The following FAM168A variants were observed in gnomAD, a reference collection of about 807,000 sequenced individuals.
FAM168A encodes protein FAM168A.
In FAM168A, 3 loss-of-function variants were observed where a neutral mutation model predicts 28.5. The ratio of observed to expected loss-of-function variants is 0.11; its 90% CI spans 0.05 to 0.27. The LOEUF is 0.27. FAM168A is among the 10% of genes least tolerant of loss of function. The probability of loss-of-function intolerance (pLI) is 1.00; values close to 1 mark genes in which losing one functional copy is unlikely to be tolerated. For missense variants in FAM168A, 222 were observed against 311.5 expected (o/e 0.71, Z 2.16); for synonymous variants, 122 against 124.2 (o/e 0.98, Z 0.12).
intron 1 of FAM168A, among the ~76,000 whole-genome samples, chr11:73,559,150 G>A (rs977976283): frequency 6.6e-6 from 1 of 152,158 alleles, no homozygotes; most frequent in African/African-American, 2.4e-5. Flanking sequence ...GCTTATGCCC[G>A]TAATCCTATC....
chr11:73,538,832 G>A, intron 1 of FAM168A, among the ~76,000 whole-genome samples: 1 of 152,162 alleles, frequency 6.6e-6, no homozygotes, highest in Admixed American at 6.6e-5. Context: ...TGTAGGAGGG[G>A]CTGAGGCAAA....
chr11:73,469,921 GTTT>G (rs1257122895), intron 1 of FAM168A, among the ~76,000 whole-genome samples: 1 of 151,612 alleles, frequency 6.6e-6, no homozygotes, highest in Non-Finnish European at 1.5e-5. Flanking sequence ...TTTTGTTTTT[GTTT>G]TTTTTGAGAC....
chr11:73,438,118 GTCA>G (rs923933671), intron 2 of FAM168A, among the ~76,000 whole-genome samples: 10 of 151,958 alleles, frequency 6.6e-5, no homozygotes, highest in South Asian at 2.1e-4. Flanking sequence ...CATCATCATC[GTCA>G]TCATCATCAT....
intron 3 of FAM168A, among the ~76,000 whole-genome samples, chr11:73,429,587 T>C (rs1024083800): frequency 1.3e-5 from 2 of 152,186 alleles, no homozygotes; most frequent in African/African-American, 4.8e-5. Context: ...CTGCCCATGC[T>C]CTACTCTGCC....
chr11:73,411,698 G>C (rs1866614254), intron 4 of FAM168A, among the ~76,000 whole-genome samples, 162 bp from the exon 5 acceptor site: 1 of 152,266 alleles, frequency 6.6e-6, no homozygotes, highest in East Asian at 1.9e-4. Flanking sequence ...AGAAAGCCCT[G>C]GCCCCAGAGG....
rs113761570 is a variant in FAM168A, at chr11:73,594,735, G to GC, written c.-19+3187dup. On this transcript the variant is annotated intron_variant, in intron 1 of 7. Transcript: ENST00000356467. ...GTAGAGATGGGGTTTTGCCATGTTG[G>GC]CCAGGCTGATCTCAAACTCCTGACC... 2.5e-3 allele frequency among the ~76,000 whole-genome samples: 381 copies of GC among 152,128 alleles called. 3 individuals are homozygous for GC. Among genetic ancestry groups the GC allele is most frequent in the African/African-American group, 8.7e-3 (362 of 41,494 alleles).
At chr11:73,500,407 T>C (rs551593915) in intron 1 of FAM168A, among the ~76,000 whole-genome samples, 6 of 152,034 alleles carry the variant, frequency 3.9e-5, no homozygotes, top group Non-Finnish European at 7.4e-5. Context: ...TACAGGTGCC[T>C]ACCAGCATGC....
At chr11:73,479,713 T>C (rs1210325450) in intron 1 of FAM168A, among the ~76,000 whole-genome samples, 1 of 152,208 alleles carries the variant, frequency 6.6e-6, no homozygotes, top group Non-Finnish European at 1.5e-5. Flanking sequence ...GCCCAATTAT[T>C]TTCTTCTTGC....
intron 1 of FAM168A, among the ~76,000 whole-genome samples, chr11:73,473,251 T>C (rs1367326654): frequency 6.6e-6 from 1 of 152,184 alleles, no homozygotes; most frequent in Non-Finnish European, 1.5e-5. Flanking sequence ...GAAAAGCCAA[T>C]TTCAAAGCCA....
At chr11:73,446,642 C>T (rs1210814172) in intron 2 of FAM168A, among the ~76,000 whole-genome samples, 1 of 152,210 alleles carries the variant, frequency 6.6e-6, no homozygotes, top group Non-Finnish European at 1.5e-5. Context: ...AGTCCAACAT[C>T]AAGTCCTAAC....
chr11:73,597,092 C>T (rs1255352143), intron 1 of FAM168A, among the ~76,000 whole-genome samples: 4 of 151,988 alleles, frequency 2.6e-5, no homozygotes, highest in Non-Finnish European at 4.4e-5. Flanking sequence ...CCCACTGTGC[C>T]CCACACTCCA....
At chr11:73,520,823 A>G (rs1184412853) in intron 1 of FAM168A, among the ~76,000 whole-genome samples, 1 of 148,396 alleles carries the variant, frequency 6.7e-6, no homozygotes, top group East Asian at 1.9e-4. Context: ...AAGCCATTCA[A>G]AAAAAAAAAA....
intron 3 of FAM168A, among the ~76,000 whole-genome samples, chr11:73,420,692 A>G (rs1866776389): frequency 6.6e-6 from 1 of 152,240 alleles, no homozygotes; most frequent in Non-Finnish European, 1.5e-5. Context: ...CCCACCTGGG[A>G]TATTTCCTCA....
intron 1 of FAM168A, among the ~76,000 whole-genome samples, chr11:73,509,563 CCAATTT>C (rs1172358181): frequency 1.3e-5 from 2 of 152,150 alleles, no homozygotes; most frequent in Non-Finnish European, 2.9e-5. Flanking sequence ...CCACAAAACC[CCAATTT>C]GTAAAGGGCA....
chr11:73,430,173 C>T (rs1866959297), intron 3 of FAM168A: 1 of 158,320 alleles, frequency 6.3e-6, no homozygotes, highest in Admixed American at 6.0e-5. Flanking sequence ...AGTGTTGGGC[C>T]TTTATTATTT....
intron 1 of FAM168A, among the ~76,000 whole-genome samples, chr11:73,502,678 G>A (rs1855031663): frequency 6.6e-6 from 1 of 152,048 alleles, no homozygotes; most frequent in African/African-American, 2.4e-5. Context: ...TACCAAAACT[G>A]GGAAGAGACA....
intron 1 of FAM168A, among the ~76,000 whole-genome samples, chr11:73,483,246 T>C (rs1479318024): frequency 6.6e-6 from 1 of 152,204 alleles, no homozygotes; most frequent in African/African-American, 2.4e-5. Context: ...CCTCATCACA[T>C]GCAACTGTCA....
intron 1 of FAM168A, among the ~76,000 whole-genome samples, chr11:73,532,649 G>A (rs920288190): frequency 6.6e-6 from 1 of 152,222 alleles, no homozygotes; most frequent in Admixed American, 6.5e-5. Context: ...AAAATAGACT[G>A]AGAATTCCAA....
At chr11:73,563,716 C>T (rs1331092884) in intron 1 of FAM168A, among the ~76,000 whole-genome samples, 1 of 152,182 alleles carries the variant, frequency 6.6e-6, no homozygotes, top group East Asian at 1.9e-4. Context: ...AATTATCATT[C>T]CCATTTTACA....
Sources: allele counts gnomAD v4.1 joint callset (sites outside exome capture counted in the v4.1 genomes callset), GRCh38; gene constraint gnomAD v4.1.1; transcripts MANE v1.5; gene names NCBI Gene and HGNC (gene_info 2026-07-23, HGNC 2026-07-21).